Variants in CKMT2 observed in about 807,000 individuals in gnomAD.
The protein encoded by CKMT2 is creatine kinase, mitochondrial 2.
CKMT2 carries 43 observed loss-of-function variants against 48.9 expected under a neutral mutation model. The observed-to-expected ratio is 0.88, with a 90% confidence interval of 0.69 to 1.13. The LOEUF (loss-of-function observed/expected upper bound fraction) is 1.13, where lower values mean the gene tolerates loss of function less well. Ranked by LOEUF, CKMT2 falls within the 50% of genes most tolerant of loss-of-function variation. The probability of loss-of-function intolerance (pLI) is 0.00; values close to 1 mark genes in which losing one functional copy is unlikely to be tolerated. For missense variants in CKMT2, 472 were observed against 555.4 expected, an observed-to-expected ratio of 0.85 and a Z score of 1.51; for synonymous variants, 206 against 213.0, an observed-to-expected ratio of 0.97 and a Z score of 0.29.
In CKMT2 at chr5:81,260,405, C is replaced by CA. The variant is rs561008444; in HGVS notation, c.1014+1158dup. 2.8e-4 allele frequency among the ~76,000 whole-genome samples: 43 copies of CA among 152,102 alleles called. 1 individual carries two copies. In the South Asian group the frequency reaches 8.3e-3, roughly 29 times the overall value. ...TGAAGGAGATAGAGACACAAAGACA[C>CA]AAAAAAACCTTCAAAAAATCAGTGA... On this transcript the variant is annotated intron_variant, in intron 8 of 9. Coordinates refer to ENST00000254035, the MANE Select transcript of CKMT2 (RefSeq NM_001099735.2).
rs1756805583 is a variant in CKMT2 at position 81,251,288 on chromosome 5, A to G, written c.152+4A>G. 1.2e-6 allele frequency: 2 copies of G among 1,613,472 alleles called. No homozygotes were observed. The highest frequency in any genetic ancestry group is 2.7e-5 in the African/African-American group (2 of 74,884). Reference sequence around the variant, plus strand: ...AGCCTAGGCTATTTCCTCCAAGGTAAGGGCTCCTGACTTTAAAATAACCTC... The same window carrying G: ...AGCCTAGGCTATTTCCTCCAAGGTAGGGGCTCCTGACTTTAAAATAACCTC... On this transcript the variant is annotated splice_donor_region_variant and intron_variant, in intron 2 of 9. Coordinates refer to ENST00000254035, the MANE Select transcript of CKMT2 (RefSeq NM_001099735.2).
chr5:81,257,142 G>GT (rs1491102378), intron 6 of CKMT2, 142 bp downstream of exon 6: 2 of 40,452 alleles, frequency 4.9e-5, no homozygotes, highest in African/African-American at 7.3e-4. Context: ...TACTTGGAAA[G>GT]TGTGTGTGTG....
At chr5:81,257,040 G>A (rs1757035019) in intron 6 of CKMT2, 40 bp downstream of exon 6, 2 of 1,551,740 alleles carry the variant, frequency 1.3e-6, no homozygotes, top group Non-Finnish European at 1.8e-6. Context: ...TATCTGTAGA[G>A]GATGTTTTTG....
intron 8 of CKMT2, among the ~76,000 whole-genome samples, chr5:81,260,253 CACAGGAGAAA>C (rs1403256781): frequency 1.3e-5 from 2 of 152,048 alleles, no homozygotes; most frequent in Non-Finnish European, 2.9e-5. Context: ...AGCAAATGCC[CACAGGAGAAA>C]GCAGGAAAGA....
chr5:81,246,177 C>A (rs1207223707), intron 1 of CKMT2, among the ~76,000 whole-genome samples: 1 of 151,354 alleles, frequency 6.6e-6, no homozygotes. Flanking sequence ...AAAATGAGCT[C>A]AGCACGTCTC....
intron 1 of CKMT2, chr5:81,239,417 G>A (rs1756359939): frequency 6.6e-6 from 1 of 152,132 alleles, no homozygotes; most frequent in East Asian, 1.9e-4. Context: ...AGCATTCAAG[G>A]GCAGGCTAAG....
intron 3 of CKMT2, 110 bp from the exon 4 acceptor site, chr5:81,254,286 A>G (rs1756920854): frequency 3.8e-6 from 3 of 799,776 alleles, no homozygotes; most frequent in Admixed American, 4.1e-5. Flanking sequence ...AATTTCAGAG[A>G]AGGAGGGCAT....
intron 1 of CKMT2, among the ~76,000 whole-genome samples, chr5:81,245,819 C>T (rs1756588952): frequency 6.6e-6 from 1 of 152,124 alleles, no homozygotes; most frequent in Admixed American, 6.5e-5. Context: ...GGCCACCACA[C>T]AGATCATCCA....
intron 6 of CKMT2, 141 bp downstream of exon 6, chr5:81,257,141 AGTGTGTGTGTGTGTGTGTGT>A (rs3830407): frequency 0.08 from 39,402 of 494,624 alleles, 1,399 homozygotes; most frequent in Admixed American, 0.19. Context: ...CTACTTGGAA[AGTGTGTGTGTGTGTGTGTGT>A]GTGTGTGTGT....
intron 1 of CKMT2, chr5:81,244,076 AC>A: frequency 1.0e-6 from 1 of 985,438 alleles, no homozygotes; most frequent in African/African-American, 1.7e-5. Context: ...CCCGTTTCAC[AC>A]TAAACGGGTT....
intron 1 of CKMT2, among the ~76,000 whole-genome samples, chr5:81,248,334 A>G (rs11953955): frequency 0.016 from 2,377 of 152,334 alleles, 65 homozygotes; most frequent in African/African-American, 0.054. Context: ...CCTGGAAAGA[A>G]TCTGGGCAAA....
intron 7 of CKMT2, among the ~76,000 whole-genome samples, chr5:81,258,452 C>G (rs2112817478): frequency 6.6e-6 from 1 of 152,292 alleles, no homozygotes; most frequent in East Asian, 1.9e-4. Context: ...GACTCACCTG[C>G]TGATAATTCC....
At position 81,266,341 on chromosome 5, in the gene CKMT2, G is replaced by T; in HGVS notation, c.*83G>T. Reference sequence around the variant, plus strand: ...CTACTCTGAGAGTTTTTATACACTTGGAAAAATATAAAATTGTAGATCCTG... The same window carrying T: ...CTACTCTGAGAGTTTTTATACACTTTGAAAAATATAAAATTGTAGATCCTG... On this transcript the variant is annotated 3_prime_UTR_variant, in exon 10 of 10. Transcript: ENST00000254035. The T allele has an allele frequency of 1.5e-6, 2 of 1,327,416 alleles. No individual in the cohort carries two copies. The highest frequency in any genetic ancestry group is 1.5e-5 in the African/African-American group (1 of 67,970). The allele number at this position is 1,327,416 out of a possible 1,614,324, so 82.2% of individuals were successfully genotyped here.
chr5:81,266,329 T>G lies in CKMT2; in HGVS notation c.*71T>G. ...AGACATAAATCTCTACTCTGAGAGT[T>G]TTTATACACTTGGAAAAATATAAAA... On this transcript the variant is annotated 3_prime_UTR_variant, in exon 10 of 10. Coordinates refer to ENST00000254035, the MANE Select transcript of CKMT2 (RefSeq NM_001099735.2). The G allele has an allele frequency of 7.0e-7, 1 of 1,435,148 alleles. No individual in the cohort carries two copies. Among genetic ancestry groups the G allele is most frequent in the East Asian group, 2.3e-5 (1 of 43,398 alleles). The allele number at this position is 1,435,148 out of a possible 1,614,324, so 88.9% of individuals were successfully genotyped here. A position where few individuals can be genotyped will look rare whatever the true frequency, so the allele number is the denominator to read the frequency against.
chr5:81,236,983 C>A (rs1197081562), intron 1 of CKMT2, among the ~76,000 whole-genome samples: 2 of 152,216 alleles, frequency 1.3e-5, no homozygotes, highest in Admixed American at 1.3e-4. Context: ...AATCCCATCT[C>A]TACTAAAAGT....
intron 5 of CKMT2, among the ~76,000 whole-genome samples, 167 bp from the exon 6 acceptor site, chr5:81,256,748 G>C (rs1042236140): frequency 7.9e-5 from 12 of 152,154 alleles, no homozygotes; most frequent in African/African-American, 2.4e-4. Flanking sequence ...GAATCTCTGG[G>C]CATTGTTTGA....
intron 1 of CKMT2, chr5:81,238,713 C>G (rs1424909980): frequency 6.6e-6 from 1 of 152,586 alleles, no homozygotes; most frequent in Non-Finnish European, 1.5e-5. Flanking sequence ...CACATTCTGT[C>G]CACTGTATCT....
chr5:81,249,325 C>T (rs141934260), intron 1 of CKMT2, among the ~76,000 whole-genome samples: 4 of 152,248 alleles, frequency 2.6e-5, no homozygotes, highest in East Asian at 1.9e-4. Context: ...TCAAGTGATC[C>T]GCCCACCTTT....
Position 81,257,776 on chromosome 5 carries a change from G to C in CKMT2, c.799G>C (p.Asp267His). Residue 267 changes from aspartate (D) to histidine (H), a missense_variant, in exon 7 of 10, where the codon GAT (aspartate) becomes CAT (histidine). Transcript: ENST00000254035. ...KTFLIWINEE[D>H]HTRVISMEKG... ...ATTTCTCATCTGGATAAATGAGGAG[G>C]ATCACACCAGGGTAATCTCAATGGA... The C allele has an allele frequency of 1.9e-6, 3 of 1,612,370 alleles. No homozygotes were observed. The highest frequency in any genetic ancestry group is 2.5e-6 in the Non-Finnish European group (3 of 1,178,488).
Sources: allele counts gnomAD v4.1 joint callset (sites outside exome capture counted in the v4.1 genomes callset), GRCh38; gene constraint gnomAD v4.1.1; transcripts MANE v1.5; gene names NCBI Gene and HGNC (gene_info 2026-07-23, HGNC 2026-07-21).